The following MCC variants were observed in gnomAD, a reference collection of about 807,000 sequenced individuals.
MCC encodes colorectal mutant cancer protein.
Under a neutral mutation model 116.2 loss-of-function variants are expected in MCC, and 90 were observed. That is an observed-to-expected ratio of 0.77 (90% CI 0.65 to 0.92). The LOEUF (loss-of-function observed/expected upper bound fraction) is 0.92, where lower values mean the gene tolerates loss of function less well. MCC is among the 40% of genes least tolerant of loss of function. The pLI, the probability that MCC is intolerant of heterozygous loss-of-function variation, is 0.00. For synonymous variants in MCC, 578 were observed against 510.5 expected, an observed-to-expected ratio of 1.13 and a Z score of -1.78; for missense variants, 1,516 against 1,312.2, an observed-to-expected ratio of 1.16 and a Z score of -2.40.
intron 1 of MCC, among the ~76,000 whole-genome samples, chr5:113,426,114 G>A (rs1770475222): frequency 6.6e-6 from 1 of 152,090 alleles, no homozygotes; most frequent in African/African-American, 2.4e-5. Flanking sequence ...AAGGCAAAGT[G>A]GGGACATGGG....
At chr5:113,348,339 CAA>C (rs972017381) in intron 2 of MCC, among the ~76,000 whole-genome samples, 1 of 151,870 alleles carries the variant, frequency 6.6e-6, no homozygotes, top group African/African-American at 2.4e-5. Flanking sequence ...TTAAAACATT[CAA>C]AAAACTGAAA....
Position 113,080,039 on chromosome 5 carries a change from G to A in MCC, c.1784+2821C>T, listed in dbSNP as rs551654627. Among the ~76,000 whole-genome samples, 1,077 of 152,284 alleles carry A rather than the reference G, an allele frequency of 7.1e-3. 14 individuals carry two copies. The highest frequency in any genetic ancestry group is 0.024 in the African/African-American group (1,014 of 41,554). On this transcript the variant is annotated intron_variant, in intron 11 of 18. Transcript: ENST00000408903. ...AAAGAAGACATTTATGCAGCCAACAGACACATGAAAAAATGCTCAGCATCA... is the reference window on the plus strand; with the variant it reads ...AAAGAAGACATTTATGCAGCCAACAAACACATGAAAAAATGCTCAGCATCA...
chr5:113,292,877 T>C (rs11741937), intron 3 of MCC, among the ~76,000 whole-genome samples: 19,682 of 152,144 alleles, frequency 0.13, 2,081 homozygotes, highest in Admixed American at 0.26. Flanking sequence ...ACAGGGTTAG[T>C]GATGGAGCAG....
At chr5:113,105,231 C>A (rs560809250) in intron 6 of MCC, among the ~76,000 whole-genome samples, 4 of 152,322 alleles carry the variant, frequency 2.6e-5, no homozygotes, top group Admixed American at 2.6e-4. Context: ...CACCTACGTC[C>A]AGCCTAACCC....
chr5:113,293,188 T>A (rs1469777497), intron 3 of MCC, among the ~76,000 whole-genome samples: 1 of 151,294 alleles, frequency 6.6e-6, no homozygotes, highest in Non-Finnish European at 1.5e-5. Flanking sequence ...CTCCTAGGTT[T>A]CCCCCAACCC....
chr5:113,383,250 A>G (rs1769168732), intron 2 of MCC, among the ~76,000 whole-genome samples: 1 of 152,208 alleles, frequency 6.6e-6, no homozygotes, highest in African/African-American at 2.4e-5. Flanking sequence ...AATGTACTTA[A>G]CACTTCAACT....
chr5:113,181,258 T>A (rs770472407), intron 3 of MCC, among the ~76,000 whole-genome samples: 6 of 152,224 alleles, frequency 3.9e-5, no homozygotes, highest in Non-Finnish European at 8.8e-5. Context: ...AAGACCATTA[T>A]CAGGCAAATT....
At chr5:113,149,984 G>A (rs1357406657) in intron 4 of MCC, among the ~76,000 whole-genome samples, 1 of 152,162 alleles carries the variant, frequency 6.6e-6, no homozygotes, top group Non-Finnish European at 1.5e-5. Flanking sequence ...GGTTTTGCCT[G>A]ACCAAAGAGT....
chr5:113,349,529 T>TC (rs1768216055), intron 2 of MCC, among the ~76,000 whole-genome samples: 1 of 152,022 alleles, frequency 6.6e-6, no homozygotes, highest in Non-Finnish European at 1.5e-5. Flanking sequence ...AAACTGAGTA[T>TC]AGAAGGGATA....
intron 1 of MCC, among the ~76,000 whole-genome samples, chr5:113,478,987 C>A (rs763333528): frequency 6.6e-6 from 1 of 152,124 alleles, no homozygotes; most frequent in Non-Finnish European, 1.5e-5. Context: ...AACAGATAAT[C>A]CTGTTTCTCA....
chr5:113,095,962 G>A (rs913223111), intron 8 of MCC, among the ~76,000 whole-genome samples: 2 of 152,308 alleles, frequency 1.3e-5, no homozygotes, highest in Admixed American at 1.3e-4. Context: ...GGTGAGCTGG[G>A]GGACTTGGCA....
At chr5:113,100,319 T>C (rs1428786278) in intron 8 of MCC, among the ~76,000 whole-genome samples, 4 of 152,090 alleles carry the variant, frequency 2.6e-5, no homozygotes, top group Admixed American at 2.6e-4. Flanking sequence ...CTAAGAATAC[T>C]TACAAATGGA....
rs1750343080 is a variant in MCC, at chr5:113,023,926, G to T, written c.*3376C>A. The T allele has an allele frequency of 1.3e-5, 2 of 152,228 alleles. No homozygotes were observed. Among genetic ancestry groups the T allele is most frequent in the South Asian group, 2.1e-4 (1 of 4,834 alleles). 9.4% of individuals were successfully genotyped at this position (152,228 alleles called of 1,614,324 possible). The stretch of plus-strand genomic sequence containing the variant: ...TTAATTCATGCCAGGGACACAGGCA[G>T]TCCAATCTTGATCGGGTAACTACGG... On this transcript the variant is annotated 3_prime_UTR_variant, in exon 19 of 19. Coordinates refer to ENST00000408903, the MANE Select transcript of MCC (RefSeq NM_001085377.2).
At chr5:113,151,094 T>C (rs1398636546) in intron 4 of MCC, among the ~76,000 whole-genome samples, 1 of 152,190 alleles carries the variant, frequency 6.6e-6, no homozygotes, top group Non-Finnish European at 1.5e-5. Context: ...GTAGGCACCT[T>C]GGACTTCGTA....
At chr5:113,079,013 T>C (rs1754659881) in intron 11 of MCC, among the ~76,000 whole-genome samples, 2 of 152,024 alleles carry the variant, frequency 1.3e-5, no homozygotes, top group Admixed American at 6.6e-5. Flanking sequence ...TGTACACCAA[T>C]AACAGACAAA....
chr5:113,374,492 C>G (rs576512973), intron 2 of MCC, among the ~76,000 whole-genome samples: 47 of 152,234 alleles, frequency 3.1e-4, no homozygotes, highest in African/African-American at 1.1e-3. Context: ...CCAGAGTATG[C>G]TGAAGGCAGA....
chr5:113,379,909 G>A (rs1561544588), intron 2 of MCC, among the ~76,000 whole-genome samples: 1 of 151,994 alleles, frequency 6.6e-6, no homozygotes, highest in Non-Finnish European at 1.5e-5. Context: ...CATATTAAAG[G>A]CTCCGAGATG....
Position 113,026,043 on chromosome 5 carries a change from G to C in MCC, c.*1259C>G, listed in dbSNP as rs569593944. On this transcript the variant is annotated 3_prime_UTR_variant, in exon 19 of 19. Transcript: ENST00000408903. ...ATCAGTGTAGAACTGAGAGAGAAGA[G>C]GTAAAACTGAAAAAGAATAATGAAT... 58 of 152,292 alleles carry C rather than the reference G, an allele frequency of 3.8e-4. No homozygotes were observed. Among genetic ancestry groups the C allele is most frequent in the African/African-American group, 1.4e-3 (57 of 41,558 alleles). The allele number at this position is 152,292 out of a possible 1,614,324, so 9.4% of individuals were successfully genotyped here.
chr5:113,243,804 G>A (rs566752734), intron 3 of MCC, among the ~76,000 whole-genome samples: 8 of 152,332 alleles, frequency 5.3e-5, no homozygotes, highest in South Asian at 2.1e-4. Context: ...ACTGCCCTCC[G>A]TTTGCCCAAT....
Sources: allele counts gnomAD v4.1 joint callset (sites outside exome capture counted in the v4.1 genomes callset), GRCh38; gene constraint gnomAD v4.1.1; transcripts MANE v1.5; gene names NCBI Gene and HGNC (gene_info 2026-07-23, HGNC 2026-07-21).